SLC4A7: variants seen among roughly 807,000 people sequenced by gnomAD.
SLC4A7 encodes solute carrier family 4 member 7.
SLC4A7 carries 51 observed loss-of-function variants against 137.6 expected under a neutral mutation model. That is an observed-to-expected ratio of 0.37 (90% CI 0.30 to 0.47). The LOEUF (loss-of-function observed/expected upper bound fraction) is 0.47, where lower values mean the gene tolerates loss of function less well. SLC4A7 is among the 20% of genes least tolerant of loss of function. The pLI is 1.00. For missense variants in SLC4A7, 1,247 were observed against 1,525.4 expected (o/e 0.82, Z 3.04); for synonymous variants, 542 against 518.6 (o/e 1.05, Z -0.61).
chr3:27,470,640 T>TC (rs1161104941), intron 1 of SLC4A7, among the ~76,000 whole-genome samples: 2 of 100,746 alleles, frequency 2.0e-5, no homozygotes, highest in Non-Finnish European at 4.5e-5. Flanking sequence ...AGCTCCAACT[T>TC]TAAAAAAAAA....
At chr3:27,403,595 A>G (rs1399943808) in intron 14 of SLC4A7, among the ~76,000 whole-genome samples, 2 of 151,918 alleles carry the variant, frequency 1.3e-5, no homozygotes, top group Non-Finnish European at 2.9e-5. Context: ...TTATTAATAA[A>G]TTAATTAGTA....
At chr3:27,458,242 C>A (rs2058511885) in intron 1 of SLC4A7, among the ~76,000 whole-genome samples, 1 of 152,020 alleles carries the variant, frequency 6.6e-6, no homozygotes, top group South Asian at 2.1e-4. Context: ...TTTCTTGGTA[C>A]CCTCAATTCT....
intron 1 of SLC4A7, chr3:27,456,553 C>A: frequency 5.9e-6 from 5 of 840,512 alleles, no homozygotes; most frequent in Non-Finnish European, 1.0e-5. Flanking sequence ...CTATTCTAAG[C>A]CAGTGCTAAT....
intron 1 of SLC4A7, among the ~76,000 whole-genome samples, chr3:27,454,423 G>A (rs1423362120): frequency 6.6e-6 from 1 of 152,112 alleles, no homozygotes; most frequent in Non-Finnish European, 1.5e-5. Context: ...CCGAGATCAC[G>A]TCACTTTACC....
chr3:27,387,017 T>A (rs539429461), intron 22 of SLC4A7, among the ~76,000 whole-genome samples: 2 of 152,200 alleles, frequency 1.3e-5, no homozygotes, highest in African/African-American at 4.8e-5. Flanking sequence ...AAAATTCCAA[T>A]GTATTCAGAT....
chr3:27,403,161 AGTT>A lies in SLC4A7; in HGVS notation c.2296_2298del (p.Asn766del). The A allele has an allele frequency of 6.2e-7, 1 of 1,611,022 alleles. No individual in the cohort carries two copies. The highest frequency in any genetic ancestry group is 8.5e-7 in the Non-Finnish European group (1 of 1,179,146). On this transcript the variant is annotated inframe_deletion, in exon 15 of 26. Coordinates refer to ENST00000454389, the MANE Select transcript of SLC4A7 (RefSeq NM_001321103.2). ...TACGAGTAGCTGGTCAGTTTATCTA[AGTT>A]GTTGTGCATATTAAATGCATATGTT...
chr3:27,475,310 T>A (rs1438560421), intron 1 of SLC4A7, among the ~76,000 whole-genome samples: 1 of 151,142 alleles, frequency 6.6e-6, no homozygotes, highest in African/African-American at 2.4e-5. Flanking sequence ...TAGCATTTTA[T>A]ACACAGTATT....
chr3:27,460,940 C>A (rs2058665280), intron 1 of SLC4A7, among the ~76,000 whole-genome samples: 1 of 152,014 alleles, frequency 6.6e-6, no homozygotes, highest in African/African-American at 2.4e-5. Context: ...TCCCAGTAGA[C>A]CTTTACAACA....
At chr3:27,410,641 G>A (rs917913851) in intron 12 of SLC4A7, among the ~76,000 whole-genome samples, 4 of 152,104 alleles carry the variant, frequency 2.6e-5, no homozygotes, top group Non-Finnish European at 5.9e-5. Flanking sequence ...ACTTAATAGA[G>A]GGCATACAGA....
At chr3:27,397,933 A>T (rs904587550) in intron 17 of SLC4A7, 136 bp from the exon 18 acceptor site, 7 of 625,974 alleles carry the variant, frequency 1.1e-5, no homozygotes, top group Non-Finnish European at 1.9e-5. Context: ...GTTAACAGTG[A>T]AACACATTTA....
chr3:27,418,784 A>G (rs1157684133), intron 10 of SLC4A7, 152 bp from the exon 11 acceptor site: 2 of 571,852 alleles, frequency 3.5e-6, no homozygotes, highest in Non-Finnish European at 6.1e-6. Context: ...CTGGGTAACA[A>G]CTATAAAAGG....
chr3:27,463,540 C>CA (rs982968924), intron 1 of SLC4A7, among the ~76,000 whole-genome samples: 8 of 151,898 alleles, frequency 5.3e-5, no homozygotes, highest in African/African-American at 1.9e-4. Context: ...AACTCCACCT[C>CA]AAAAAATAAA....
chr3:27,380,441 G>T (rs977588798), intron 24 of SLC4A7, among the ~76,000 whole-genome samples: 9 of 151,790 alleles, frequency 5.9e-5, no homozygotes, highest in Non-Finnish European at 1.2e-4. Context: ...TAATTAATTT[G>T]GGGCTCAAGA....
rs539952841 is a variant in SLC4A7 at position 27,418,437 on chromosome 3, A to T, written c.1659+49T>A. 10 of 1,512,520 alleles carry T rather than the reference A, an allele frequency of 6.6e-6. No individual in the cohort carries two copies. In the Admixed American group the frequency reaches 8.8e-5, roughly 13 times the overall value. The allele number at this position is 1,512,520 out of a possible 1,614,324, so 93.7% of individuals were successfully genotyped here. A position where few individuals can be genotyped will look rare whatever the true frequency, so the allele number is the denominator to read the frequency against. The stretch of plus-strand genomic sequence containing the variant: ...TTTGAATCACACCTAATCAAAAAAA[A>T]TTTTATTAAAATAAAGTAAGTCACA... On this transcript the variant is annotated intron_variant, in intron 11 of 25. Coordinates refer to ENST00000454389, the MANE Select transcript of SLC4A7 (RefSeq NM_001321103.2).
intron 3 of SLC4A7, among the ~76,000 whole-genome samples, chr3:27,446,388 C>T (rs1215810369): frequency 6.6e-6 from 1 of 152,040 alleles, no homozygotes; most frequent in Non-Finnish European, 1.5e-5. Context: ...GTAGTTAAGA[C>T]AAAAACTTCA....
chr3:27,383,299 A>G, intron 23 of SLC4A7, 49 bp from the exon 24 acceptor site: 1 of 1,315,446 alleles, frequency 7.6e-7, no homozygotes, highest in Non-Finnish European at 1.1e-6. Flanking sequence ...ATATTTTCCA[A>G]GAGAATTGAC....
At chr3:27,449,047 C>CT (rs143519331) in intron 2 of SLC4A7, among the ~76,000 whole-genome samples, 43,835 of 150,844 alleles carry the variant, frequency 0.29, 8,051 homozygotes, top group East Asian at 0.74. Flanking sequence ...AAAAAGATAT[C>CT]TTTTTTTTTG....
intron 13 of SLC4A7, among the ~76,000 whole-genome samples, chr3:27,407,959 T>A (rs2150193226): frequency 2.0e-5 from 3 of 152,332 alleles, no homozygotes; most frequent in Admixed American, 2.0e-4. Flanking sequence ...CATTTCCACC[T>A]GAAGTTCTAA....
chr3:27,444,082 A>G (rs898444118), intron 3 of SLC4A7, among the ~76,000 whole-genome samples: 9 of 152,214 alleles, frequency 5.9e-5, no homozygotes, highest in Non-Finnish European at 1.5e-5. Context: ...TGTCAGTATC[A>G]ATCTGGTTGG....
Sources: allele counts gnomAD v4.1 joint callset (sites outside exome capture counted in the v4.1 genomes callset), GRCh38; gene constraint gnomAD v4.1.1; transcripts MANE v1.5; gene names NCBI Gene and HGNC (gene_info 2026-07-23, HGNC 2026-07-21).